PCDHGA7: variants seen among roughly 807,000 people sequenced by gnomAD.
PCDHGA7 encodes protocadherin gamma subfamily A, 7.
A neutral mutation model predicts 58.3 loss-of-function variants in PCDHGA7; 44 were observed. The ratio of observed to expected loss-of-function variants is 0.75; its 90% CI spans 0.59 to 0.97. PCDHGA7 has a LOEUF of 0.97. Among genes scored for constraint, PCDHGA7 ranks in the 50% least tolerant of loss-of-function variants. The probability of loss-of-function intolerance (pLI) is 0.00; values close to 1 mark genes in which losing one functional copy is unlikely to be tolerated. For synonymous variants in PCDHGA7, 516 were observed against 504.2 expected, an observed-to-expected ratio of 1.02 and a Z score of -0.31; for missense variants, 1,266 against 1,188.7, an observed-to-expected ratio of 1.06 and a Z score of -0.96.
At chr5:141,418,115 G>C in intron 1 of PCDHGA7, 1 of 1,614,098 alleles carries the variant, frequency 6.2e-7, no homozygotes, top group South Asian at 1.1e-5. Context: ...GGACTTACTT[G>C]TGAAGGACCG....
intron 1 of PCDHGA7, among the ~76,000 whole-genome samples, chr5:141,464,964 A>G (rs1433148254): frequency 6.6e-6 from 1 of 152,030 alleles, no homozygotes; most frequent in Non-Finnish European, 1.5e-5. Flanking sequence ...CTTGTCTTGA[A>G]CTACTGGCTT....
intron 1 of PCDHGA7, chr5:141,388,912 C>T: frequency 6.2e-7 from 1 of 1,613,946 alleles, no homozygotes; most frequent in Non-Finnish European, 8.5e-7. Flanking sequence ...GACAACGCCC[C>T]AGAAGTGATA....
At chr5:141,478,500 T>G in intron 1 of PCDHGA7, 1 of 1,612,740 alleles carries the variant, frequency 6.2e-7, no homozygotes, top group Non-Finnish European at 8.5e-7. Flanking sequence ...TGTGATCCGG[T>G]GTTCTATAGG....
intron 1 of PCDHGA7, among the ~76,000 whole-genome samples, chr5:141,437,390 A>T (rs1422429346): frequency 6.6e-6 from 1 of 152,248 alleles, no homozygotes; most frequent in Non-Finnish European, 1.5e-5. Flanking sequence ...ACATTCATCC[A>T]CTGCTTTCAT....
At chr5:141,468,425 T>TA (rs2099167168) in intron 1 of PCDHGA7, 1 of 151,612 alleles carries the variant, frequency 6.6e-6, no homozygotes, top group Non-Finnish European at 1.5e-5. Context: ...GATAGCAAGG[T>TA]AATAGCAAAA....
rs61612330 is a variant in PCDHGA7 at position 141,454,796 on chromosome 5, A to ATTTTTTTTT, written c.2425-39990_2425-39982dup. Among the ~76,000 whole-genome samples the ATTTTTTTTT allele has an allele frequency of 8.2e-3, 638 of 77,468 alleles. 91 individuals carry two copies. The highest frequency in any genetic ancestry group is 0.025 in the African/African-American group (426 of 16,886). 50.8% of individuals were successfully genotyped at this position (77,468 alleles called of 152,430 possible). On this transcript the variant is annotated intron_variant, in intron 1 of 3. Coordinates refer to ENST00000518325, the MANE Select transcript of PCDHGA7 (RefSeq NM_018920.4). ...AAGGAAATAATCCTCCATGGTTCTA[A>ATTTTTTTTT]TTTTTTTTTTTTTTTTTTTTTTTTT...
intron 1 of PCDHGA7, chr5:141,410,048 C>T (rs1471679304): frequency 4.3e-6 from 7 of 1,613,042 alleles, no homozygotes; most frequent in Non-Finnish European, 4.2e-6. Flanking sequence ...TGAGCCCGGA[C>T]TCTTCAGCCT....
chr5:141,445,129 A>G (rs1405841381), intron 1 of PCDHGA7, among the ~76,000 whole-genome samples: 3 of 152,226 alleles, frequency 2.0e-5, no homozygotes, highest in Non-Finnish European at 4.4e-5. Context: ...TATTTTTAAA[A>G]TTGTATCTTC....
At chr5:141,404,287 C>A in intron 1 of PCDHGA7, 1 of 1,613,976 alleles carries the variant, frequency 6.2e-7, no homozygotes, top group Non-Finnish European at 8.5e-7. Flanking sequence ...TGACTGACAT[C>A]AATGATAATC....
intron 1 of PCDHGA7, among the ~76,000 whole-genome samples, chr5:141,451,302 G>T (rs1445994098): frequency 6.6e-6 from 1 of 152,208 alleles, no homozygotes; most frequent in Non-Finnish European, 1.5e-5. Context: ...GTCTTACAAG[G>T]CAGCAATTAA....
intron 1 of PCDHGA7, among the ~76,000 whole-genome samples, chr5:141,481,695 T>A (rs2099542216): frequency 1.3e-5 from 2 of 152,122 alleles, no homozygotes; most frequent in Non-Finnish European, 2.9e-5. Context: ...GGCTCACGCC[T>A]GTAATCCCAG....
intron 1 of PCDHGA7, among the ~76,000 whole-genome samples, chr5:141,465,348 A>C (rs886810999): frequency 6.6e-6 from 1 of 152,158 alleles, no homozygotes; most frequent in African/African-American, 2.4e-5. Context: ...GTTACTGAAG[A>C]AAAAATGGGT....
At chr5:141,409,135 T>G (rs748247175) in intron 1 of PCDHGA7, 1 of 1,614,026 alleles carries the variant, frequency 6.2e-7, no homozygotes, top group Non-Finnish European at 8.5e-7. Context: ...ATTTTGAAGA[T>G]GTAGAAAGGT....
chr5:141,491,938 C>A lies in PCDHGA7; in HGVS notation c.2425-2869C>A, dbSNP rs1207647899. Reference sequence around the variant, plus strand: ...TGTGGGCGAGGGGAGGTGGGACCGACCCCCACCCCTACACTCAAAAAAGGC... The same window carrying A: ...TGTGGGCGAGGGGAGGTGGGACCGAACCCCACCCCTACACTCAAAAAAGGC... On this transcript the variant is annotated intron_variant, in intron 1 of 3. Transcript: ENST00000518325. This position sits in a 1 kb window ranked among gnomAD's most constrained non-coding sequence, Gnocchi z 6.9. 1.7e-6 allele frequency: 2 copies of A among 1,199,072 alleles called. No homozygotes were observed. The highest frequency in any genetic ancestry group is 3.1e-5 in the Admixed American group (1 of 32,246). The allele number at this position is 1,199,072 out of a possible 1,614,324, so 74.3% of individuals were successfully genotyped here. A position where few individuals can be genotyped will look rare whatever the true frequency, so the allele number is the denominator to read the frequency against.
chr5:141,461,389 G>T (rs2099014363), intron 1 of PCDHGA7, among the ~76,000 whole-genome samples: 1 of 152,110 alleles, frequency 6.6e-6, no homozygotes. Context: ...CTGATGATTA[G>T]CGATGTTGAG....
chr5:141,415,147 C>T (rs779194230), intron 1 of PCDHGA7: 17 of 1,613,668 alleles, frequency 1.1e-5, no homozygotes, highest in African/African-American at 1.3e-5. Context: ...CCAGCCCCCT[C>T]TCTCCGCCAC....
chr5:141,423,434 T>C, intron 1 of PCDHGA7: 1 of 1,614,036 alleles, frequency 6.2e-7, no homozygotes, highest in Non-Finnish European at 8.5e-7. Flanking sequence ...TTGGCAGGTA[T>C]GCCCACGTCA....
In PCDHGA7 at chr5:141,487,241, A is replaced by G. The variant is rs753291480; in HGVS notation, c.2425-7566A>G. ...TCCAAGGGAAGGAGAATCTCGTCTA[A>G]CCCTCTACTTGGCTGTGTCCCTAGT... On this transcript the variant is annotated intron_variant, in intron 1 of 3. Transcript: ENST00000518325. The surrounding 1 kb of genome is among the most constrained non-coding windows in gnomAD (Gnocchi z 5.0). 2 of 1,613,876 alleles carry G rather than the reference A, an allele frequency of 1.2e-6. No homozygotes were observed. The highest frequency in any genetic ancestry group is 3.3e-5 in the Admixed American group (2 of 59,988).
At chr5:141,419,586 A>T (rs1440548961) in intron 1 of PCDHGA7, 1 of 1,611,696 alleles carries the variant, frequency 6.2e-7, no homozygotes, top group Non-Finnish European at 8.5e-7. Context: ...GCGCTCTTCG[A>T]CACAGTGCCG....
Sources: gnomAD v4.1 joint callset for allele counts (sites outside exome capture counted in the v4.1 genomes callset) on GRCh38, gnomAD v4.1.1 for gene constraint, Gnocchi (gnomAD v3.1) non-coding constraint, MANE v1.5 for transcripts, NCBI Gene and HGNC (gene_info 2026-07-23, HGNC 2026-07-21) for gene names.